SLC4A4: variants seen among roughly 807,000 people sequenced by gnomAD.
SLC4A4 encodes electrogenic sodium bicarbonate cotransporter 1.
In SLC4A4, 27 loss-of-function variants were observed where a neutral mutation model predicts 111.5. That is an observed-to-expected ratio of 0.24 (90% confidence interval 0.18 to 0.33). SLC4A4 has a LOEUF of 0.33. SLC4A4 is among the 10% of genes least tolerant of loss of function. SLC4A4 has a pLI of 1.00. For missense variants in SLC4A4, 909 were observed against 1,315.5 expected (o/e 0.69, Z 4.78); for synonymous variants, 443 against 463.4 (o/e 0.96, Z 0.57).
chr4:71,340,813 G>A (rs1392222395), intron 4 of SLC4A4, among the ~76,000 whole-genome samples: 1 of 151,692 alleles, frequency 6.6e-6, no homozygotes, highest in African/African-American at 2.4e-5. Context: ...TGTAAATATA[G>A]TATACAATGT....
intron 1 of SLC4A4, among the ~76,000 whole-genome samples, chr4:71,069,859 C>G (rs1333817291): frequency 6.6e-6 from 1 of 152,040 alleles, no homozygotes; most frequent in Non-Finnish European, 1.5e-5. Flanking sequence ...AAAAGTACAG[C>G]ATTTAATTTT....
At chr4:71,531,370 G>A (rs1293641124) in intron 16 of SLC4A4, among the ~76,000 whole-genome samples, 3 of 152,156 alleles carry the variant, frequency 2.0e-5, no homozygotes, top group Non-Finnish European at 2.9e-5. Context: ...TGGTAGAGGA[G>A]AGATGTCCCA....
At chr4:71,307,999 C>A (rs1725826506) in intron 3 of SLC4A4, among the ~76,000 whole-genome samples, 1 of 152,112 alleles carries the variant, frequency 6.6e-6, no homozygotes, top group Non-Finnish European at 1.5e-5. Flanking sequence ...CCACTCCCTG[C>A]TTGCAGCCCT....
chr4:71,299,809 A>T (rs1725078587), intron 3 of SLC4A4, among the ~76,000 whole-genome samples: 1 of 152,036 alleles, frequency 6.6e-6, no homozygotes, highest in Non-Finnish European at 1.5e-5. Context: ...CTTATGGGAG[A>T]GTCATACACC....
intron 3 of SLC4A4, among the ~76,000 whole-genome samples, chr4:71,290,721 T>C (rs1223180536): frequency 2.6e-5 from 4 of 152,216 alleles, no homozygotes; most frequent in Non-Finnish European, 5.9e-5. Flanking sequence ...ATTTCTCATA[T>C]TATACAAACC....
At chr4:71,242,802 C>CTGGT (rs1560806716) in intron 2 of SLC4A4, among the ~76,000 whole-genome samples, 2,903 of 151,798 alleles carry the variant, frequency 0.019, 92 homozygotes, top group African/African-American at 0.067. Context: ...TTCTACAAAT[C>CTGGT]GTAACTGGTG....
intron 7 of SLC4A4, among the ~76,000 whole-genome samples, chr4:71,420,705 T>G (rs1475777894): frequency 3.3e-5 from 5 of 150,344 alleles, no homozygotes; most frequent in South Asian, 2.1e-4. Flanking sequence ...AAAAGAATTT[T>G]CAACCCAGAA....
chr4:71,466,965 GGGAGAGAGA>G (rs1560533908), intron 13 of SLC4A4, among the ~76,000 whole-genome samples: 18,091 of 112,822 alleles, frequency 0.16, 1,368 homozygotes, highest in African/African-American at 0.28. Context: ...GAGAGAGAGA[GGGAGAGAGA>G]GAGAGGTCTG....
At chr4:71,109,994 G>A (rs116641795) in intron 2 of SLC4A4, among the ~76,000 whole-genome samples, 1,883 of 152,252 alleles carry the variant, frequency 0.012, 33 homozygotes, top group African/African-American at 0.043. Flanking sequence ...CTATTGCTGA[G>A]CTAAGAGCTG....
At chr4:71,510,717 T>G (rs1053391946) in intron 16 of SLC4A4, among the ~76,000 whole-genome samples, 2 of 152,218 alleles carry the variant, frequency 1.3e-5, no homozygotes, top group Non-Finnish European at 2.9e-5. Context: ...ACATTCAAGG[T>G]AACTTTTATA....
intron 2 of SLC4A4, among the ~76,000 whole-genome samples, chr4:71,178,903 A>C (rs1257479213): frequency 1.3e-5 from 2 of 152,246 alleles, no homozygotes; most frequent in Admixed American, 1.3e-4. Flanking sequence ...CACAACAAAA[A>C]AAGAGAATTT....
intron 7 of SLC4A4, among the ~76,000 whole-genome samples, chr4:71,424,364 G>C (rs1007818982): frequency 9.9e-5 from 15 of 151,806 alleles, no homozygotes; most frequent in African/African-American, 3.4e-4. Context: ...AGGATGTGGA[G>C]AAATAGGAAC....
At chr4:71,332,728 G>C (rs138496918) in intron 3 of SLC4A4, among the ~76,000 whole-genome samples, 2,104 of 152,284 alleles carry the variant, frequency 0.014, 54 homozygotes, top group African/African-American at 0.048. Context: ...CACCGCGCCC[G>C]GCCGACTGTG....
At chr4:71,471,862 A>G (rs1329038594) in intron 13 of SLC4A4, among the ~76,000 whole-genome samples, 2 of 151,966 alleles carry the variant, frequency 1.3e-5, no homozygotes, top group South Asian at 2.1e-4. Flanking sequence ...AAACACAGAA[A>G]GATGTTGGTC....
intron 8 of SLC4A4, among the ~76,000 whole-genome samples, chr4:71,440,985 G>A (rs112417182): frequency 2.0e-5 from 3 of 152,144 alleles, no homozygotes; most frequent in Non-Finnish European, 2.9e-5. Context: ...ATTGGGCAGT[G>A]TACTAGGTTC....
At chr4:71,469,056 G>A (rs1431040098) in intron 13 of SLC4A4, among the ~76,000 whole-genome samples, 1 of 152,062 alleles carries the variant, frequency 6.6e-6, no homozygotes, top group Admixed American at 6.6e-5. Context: ...CTTAAAATCA[G>A]TAATAGAAGG....
intron 3 of SLC4A4, among the ~76,000 whole-genome samples, chr4:71,308,816 G>T (rs1725903720): frequency 6.6e-6 from 1 of 152,122 alleles, no homozygotes; most frequent in Non-Finnish European, 1.5e-5. Context: ...CTGCACGTGT[G>T]TTTTTTTCGT....
chr4:71,439,430 T>A (rs533831264), intron 7 of SLC4A4, among the ~76,000 whole-genome samples: 3 of 51,814 alleles, frequency 5.8e-5, no homozygotes, highest in African/African-American at 2.2e-4. Context: ...AGCAAGACTC[T>A]GTCTCAAAAA....
At chr4:71,219,160 G>A (rs1718597164) in intron 1 of SLC4A4, among the ~76,000 whole-genome samples, 1 of 152,192 alleles carries the variant, frequency 6.6e-6, no homozygotes, top group Admixed American at 6.5e-5. Flanking sequence ...AGTGAGGAAG[G>A]CATCTCAAAA....
Sources: allele counts gnomAD v4.1 joint callset (sites outside exome capture counted in the v4.1 genomes callset), GRCh38; gene constraint gnomAD v4.1.1; transcripts MANE v1.5; gene names NCBI Gene and HGNC (gene_info 2026-07-23, HGNC 2026-07-21).